Variants in C12orf42 observed in about 807,000 individuals in gnomAD.
The protein encoded by C12orf42 is uncharacterized protein C12orf42.
In C12orf42, 25 loss-of-function variants were observed where a neutral mutation model predicts 21.6. The observed-to-expected ratio is 1.16, with a 90% CI of 0.84 to 1.62. The LOEUF is 1.62. C12orf42 is among the 40% of genes most tolerant of loss of function. C12orf42 has a pLI of 0.00. For missense variants in C12orf42, 483 were observed against 459.3 expected, an observed-to-expected ratio of 1.05 and a Z score of -0.47; for synonymous variants, 174 against 175.0, an observed-to-expected ratio of 0.99 and a Z score of 0.05.
chr12:103,384,309 A>G (rs1359261622), intron 3 of C12orf42, among the ~76,000 whole-genome samples: 1 of 152,208 alleles, frequency 6.6e-6, no homozygotes, highest in African/African-American at 2.4e-5. Flanking sequence ...AGGCAACTAA[A>G]TATGGTGAAA....
At chr12:103,108,674 C>T in the C12orf42 span, among the ~76,000 whole-genome samples, 2 of 152,062 alleles carry the variant, frequency 1.3e-5, no homozygotes, top group South Asian at 4.1e-4. Flanking sequence ...GCATTTCCTT[C>T]AAAGTCAGAA....
chr12:103,114,767 C>G, the C12orf42 span, among the ~76,000 whole-genome samples: 7 of 152,172 alleles, frequency 4.6e-5, no homozygotes, highest in Non-Finnish European at 1.0e-4. Context: ...AAGGCCTGGA[C>G]CTCATTTTCA....
the C12orf42 span, among the ~76,000 whole-genome samples, chr12:103,227,403 G>A: frequency 1.3e-5 from 2 of 151,882 alleles, no homozygotes; most frequent in Non-Finnish European, 2.9e-5. Flanking sequence ...AAGAGGTCGG[G>A]GTGTGGAAAT....
At chr12:103,201,652 C>G in the C12orf42 span, among the ~76,000 whole-genome samples, 171 of 152,222 alleles carry the variant, frequency 1.1e-3, no homozygotes, top group African/African-American at 3.8e-3. Context: ...GGATCAGCTT[C>G]GATAATTGCT....
the C12orf42 span, among the ~76,000 whole-genome samples, chr12:103,212,497 A>G: frequency 2.0e-5 from 3 of 152,166 alleles, no homozygotes; most frequent in East Asian, 5.8e-4. Flanking sequence ...TCAGTTCCCT[A>G]TATGTTTAGT....
intron 4 of C12orf42, among the ~76,000 whole-genome samples, chr12:103,357,817 G>C: frequency 6.6e-6 from 1 of 152,082 alleles, no homozygotes; most frequent in South Asian, 2.1e-4. Flanking sequence ...GCAGCAGTAA[G>C]CCTGAGGTTG....
chr12:103,084,755 A>G, the C12orf42 span, among the ~76,000 whole-genome samples: 16 of 152,214 alleles, frequency 1.1e-4, no homozygotes, highest in African/African-American at 2.2e-4. Context: ...ATGTTTTGGT[A>G]CAATGACAGT....
chr12:103,174,622 T>A, the C12orf42 span, among the ~76,000 whole-genome samples: 705 of 151,162 alleles, frequency 4.7e-3, 5 homozygotes, highest in African/African-American at 0.016. Flanking sequence ...CCTCTGAAAA[T>A]CTGTTAGTTA....
chr12:103,469,040 TCTCACACCTGACCTCCTGG>T (rs1333686456), intron 2 of C12orf42, among the ~76,000 whole-genome samples: 5 of 152,222 alleles, frequency 3.3e-5, no homozygotes, highest in East Asian at 1.9e-4. Flanking sequence ...CACCAGAAGA[TCTCACACCTGACCTCCTGG>T]CTCACACCTG....
intron 1 of C12orf42, among the ~76,000 whole-genome samples, chr12:103,479,951 C>G (rs1367354156): frequency 6.6e-6 from 1 of 151,852 alleles, no homozygotes; most frequent in Non-Finnish European, 1.5e-5. Flanking sequence ...GTTATGCTAG[C>G]TGCAAAACAT....
the C12orf42 span, among the ~76,000 whole-genome samples, chr12:103,551,234 G>A: frequency 0.5 from 75,613 of 151,908 alleles, 21,237 homozygotes; most frequent in African/African-American, 0.75. Flanking sequence ...TCAATACCAT[G>A]TATCTTAGTT....
At chr12:103,116,836 A>G in the C12orf42 span, among the ~76,000 whole-genome samples, 2 of 152,308 alleles carry the variant, frequency 1.3e-5, no homozygotes, top group East Asian at 3.9e-4. Context: ...TTATGATCAC[A>G]CTGTGAGTGC....
intron 4 of C12orf42, among the ~76,000 whole-genome samples, chr12:103,368,616 T>C (rs2044857962): frequency 6.6e-6 from 1 of 152,078 alleles, no homozygotes; most frequent in South Asian, 2.1e-4. Flanking sequence ...GCTATCCTTT[T>C]TGAAAACAAA....
chr12:103,097,152 A>G, the C12orf42 span, among the ~76,000 whole-genome samples: 123 of 152,364 alleles, frequency 8.1e-4, 1 homozygote, highest in South Asian at 1.5e-3. Flanking sequence ...ATTGAAAATA[A>G]CTAACCTAAC....
intron 4 of C12orf42, among the ~76,000 whole-genome samples, chr12:103,294,467 AAAGAAAT>A (rs2037058658): frequency 7.5e-6 from 1 of 133,168 alleles, no homozygotes; most frequent in Non-Finnish European, 1.6e-5. Context: ...AGAAAGAAAG[AAAGAAAT>A]AAGCAAGCAA....
At chr12:103,215,067 T>A in the C12orf42 span, among the ~76,000 whole-genome samples, 2 of 152,162 alleles carry the variant, frequency 1.3e-5, no homozygotes, top group African/African-American at 4.8e-5. Context: ...TGATTCTTAA[T>A]ACATATTTAT....
At chr12:103,277,483 A>G (rs571087325) in intron 4 of C12orf42, among the ~76,000 whole-genome samples, 6 of 152,320 alleles carry the variant, frequency 3.9e-5, no homozygotes, top group Admixed American at 2.6e-4. Flanking sequence ...TAATGTAAAT[A>G]TGAAAAGTAT....
chr12:103,162,881 CAAGTT>C, the C12orf42 span: 1 of 152,174 alleles, frequency 6.6e-6, no homozygotes. Context: ...AGCATCTGAA[CAAGTT>C]AATTTGGAAA....
chr12:103,133,017 G>C, the C12orf42 span, among the ~76,000 whole-genome samples: 2 of 152,170 alleles, frequency 1.3e-5, no homozygotes, highest in Non-Finnish European at 2.9e-5. Context: ...GGACAGGTCT[G>C]ACTGGGCTGG....
Sources: gnomAD v4.1 joint callset for allele counts (sites outside exome capture counted in the v4.1 genomes callset) on GRCh38, gnomAD v4.1.1 for gene constraint, MANE v1.5 for transcripts, NCBI Gene and HGNC (gene_info 2026-07-23, HGNC 2026-07-21) for gene names.